NXN: variants seen among roughly 807,000 people sequenced by gnomAD.
NXN encodes nucleoredoxin 1.
A neutral mutation model predicts 48.6 loss-of-function variants in NXN; 16 were observed. That is an observed-to-expected ratio of 0.33 (90% CI 0.22 to 0.50). The LOEUF is 0.50. Among genes scored for constraint, NXN ranks in the 20% least tolerant of loss-of-function variants. The pLI, the probability that NXN is intolerant of heterozygous loss-of-function variation, is 0.98. For synonymous variants in NXN, 281 were observed against 269.6 expected, an observed-to-expected ratio of 1.04 and a Z score of -0.41; for missense variants, 492 against 605.5, an observed-to-expected ratio of 0.81 and a Z score of 1.97.
intron 1 of NXN, among the ~76,000 whole-genome samples, chr17:940,541 G>A (rs528819684): frequency 3.3e-5 from 5 of 152,214 alleles, no homozygotes; most frequent in Non-Finnish European, 2.9e-5. Context: ...ACATCACCCA[G>A]ACCCTTTCAC....
intron 1 of NXN, among the ~76,000 whole-genome samples, chr17:853,009 A>G (rs1399537787): frequency 6.6e-6 from 1 of 151,176 alleles, no homozygotes; most frequent in Non-Finnish European, 1.5e-5. Context: ...ACAGAGTCTC[A>G]CTTTATCACC....
At chr17:826,858 G>A (rs1452962549) in intron 1 of NXN, among the ~76,000 whole-genome samples, 2 of 152,232 alleles carry the variant, frequency 1.3e-5, no homozygotes, top group Non-Finnish European at 2.9e-5. Context: ...TGTGCACACG[G>A]TCAGAGGTCC....
At chr17:909,229 G>A (rs1165121687) in intron 1 of NXN, among the ~76,000 whole-genome samples, 1 of 151,782 alleles carries the variant, frequency 6.6e-6, no homozygotes, top group Non-Finnish European at 1.5e-5. Flanking sequence ...AACATCTTGG[G>A]TTTTGTTTTT....
intron 1 of NXN, among the ~76,000 whole-genome samples, chr17:857,721 T>A (rs1317870494): frequency 6.6e-6 from 1 of 152,178 alleles, no homozygotes; most frequent in Non-Finnish European, 1.5e-5. Flanking sequence ...ACCAGGGCCA[T>A]CAAAATAGGG....
intron 1 of NXN, among the ~76,000 whole-genome samples, chr17:940,635 GGC>G (rs2068961628): frequency 1.3e-5 from 2 of 151,954 alleles, no homozygotes; most frequent in Non-Finnish European, 2.9e-5. Flanking sequence ...AAGATTCCAG[GGC>G]ACAGCCATGA....
chr17:929,551 G>A (rs1296782154), intron 1 of NXN: 1 of 152,154 alleles, frequency 6.6e-6, no homozygotes, highest in African/African-American at 2.4e-5. Flanking sequence ...CAGGAAGGCT[G>A]GGCTTATTGT....
chr17:913,889 T>G (rs2068660117), intron 1 of NXN, among the ~76,000 whole-genome samples: 1 of 152,168 alleles, frequency 6.6e-6, no homozygotes, highest in South Asian at 2.1e-4. Flanking sequence ...AAGATTTTTA[T>G]TTTATTATTT....
At chr17:808,709 C>T (rs1482048625) in intron 5 of NXN, among the ~76,000 whole-genome samples, 2 of 143,008 alleles carry the variant, frequency 1.4e-5, no homozygotes, top group Non-Finnish European at 3.0e-5. Flanking sequence ...GAGTCTCACT[C>T]TGTTGCCCAG....
chr17:901,002 C>A (rs1355629881), intron 1 of NXN, among the ~76,000 whole-genome samples: 1 of 149,910 alleles, frequency 6.7e-6, no homozygotes, highest in African/African-American at 2.5e-5. Flanking sequence ...TTCATTGCAA[C>A]CTCCACCTCC....
intron 1 of NXN, among the ~76,000 whole-genome samples, chr17:859,829 T>C (rs1463190866): frequency 6.6e-6 from 1 of 152,148 alleles, no homozygotes; most frequent in Non-Finnish European, 1.5e-5. Context: ...TGACTTTTCA[T>C]AGGTGACTAA....
In NXN at chr17:821,018, G is replaced by A. The variant is rs1281908835; in HGVS notation, c.713+1339C>T. ...CTGTGGCATGGCAGAGACGGGAGCT[G>A]TGGCATGGCAGAGACGGGGAGCTGC... is the stretch of plus-strand genomic sequence containing the variant. On this transcript the variant is annotated intron_variant, in intron 4 of 7. Transcript: ENST00000336868. Among the ~76,000 whole-genome samples the A allele has an allele frequency of 1.9e-4, 14 of 73,740 alleles. 4 individuals are homozygous for A. The highest frequency in any genetic ancestry group is 2.7e-4 in the Non-Finnish European group (11 of 40,206). The allele number at this position is 73,740 out of a possible 152,430, so 48.4% of individuals were successfully genotyped here.
chr17:831,235 G>C (rs960348043), intron 1 of NXN, among the ~76,000 whole-genome samples: 1 of 151,254 alleles, frequency 6.6e-6, no homozygotes, highest in Non-Finnish European at 1.5e-5. Context: ...AAGGGGGAGC[G>C]GATCACCCGA....
intron 1 of NXN, among the ~76,000 whole-genome samples, chr17:876,190 G>GA (rs199754441): frequency 0.052 from 5,236 of 101,584 alleles, 119 homozygotes; most frequent in African/African-American, 0.069. Context: ...AGAAAAGAAA[G>GA]AAAAAAAAGA....
rs375940120 is a variant in NXN at position 912,456 on chromosome 17, G to A, written c.360+66863C>T. On this transcript the variant is annotated intron_variant, in intron 1 of 7. Coordinates refer to ENST00000336868, the MANE Select transcript of NXN (RefSeq NM_022463.5). Reference sequence around the variant, plus strand: ...TCAGATTACGCTCCCCCAACCACGCGGGAGAGACCCCGTCTACATCCTTGC... The same window carrying A: ...TCAGATTACGCTCCCCCAACCACGCAGGAGAGACCCCGTCTACATCCTTGC... Among the ~76,000 whole-genome samples, 6 of 152,014 alleles carry A rather than the reference G, an allele frequency of 3.9e-5. No individual in the cohort carries two copies. The South Asian group carries it at 6.2e-4, about 16-fold the overall frequency.
At chr17:927,580 CA>C (rs71371593) in intron 1 of NXN, among the ~76,000 whole-genome samples, 8 of 117,614 alleles carry the variant, frequency 6.8e-5, no homozygotes, top group Admixed American at 1.9e-4. Flanking sequence ...AACCTTGTCT[CA>C]AAAAAAAAAA....
chr17:903,169 C>T (rs539336810), intron 1 of NXN, among the ~76,000 whole-genome samples: 42 of 152,172 alleles, frequency 2.8e-4, no homozygotes, highest in African/African-American at 8.7e-4. Context: ...ACAGTTATGA[C>T]GTGCTCACCT....
At chr17:866,009 G>C (rs75396458) in intron 1 of NXN, among the ~76,000 whole-genome samples, 5,944 of 152,028 alleles carry the variant, frequency 0.039, 121 homozygotes, top group African/African-American at 0.05. Context: ...AAGTGTGTGC[G>C]ACAATGTTTA....
intron 1 of NXN, chr17:930,545 C>G (rs2068842752): frequency 6.6e-6 from 1 of 152,088 alleles, no homozygotes; most frequent in Non-Finnish European, 1.5e-5. Flanking sequence ...AGCATGAATC[C>G]CGGTGACACA....
chr17:955,157 TCTTTC>T (rs1324826282), intron 1 of NXN, among the ~76,000 whole-genome samples: 3 of 146,668 alleles, frequency 2.0e-5, no homozygotes, highest in African/African-American at 5.3e-5. Context: ...CATGCTCATC[TCTTTC>T]TTTTTTTTTT....
Sources: gnomAD v4.1 joint callset for allele counts (sites outside exome capture counted in the v4.1 genomes callset) on GRCh38, gnomAD v4.1.1 for gene constraint, MANE v1.5 for transcripts, NCBI Gene and HGNC (gene_info 2026-07-23, HGNC 2026-07-21) for gene names.